OTOA: variants seen among roughly 807,000 people sequenced by gnomAD.
The protein encoded by OTOA is otoancorin, also known as cancer/testis antigen 108.
A neutral mutation model predicts 110.8 loss-of-function variants in OTOA; 70 were observed. The ratio of observed to expected loss-of-function variants is 0.63; its 90% CI spans 0.52 to 0.77. The LOEUF is 0.77. OTOA is among the 30% of genes least tolerant of loss of function. OTOA has a pLI of 0.00. For missense variants in OTOA, 917 were observed against 1,075.8 expected, an observed-to-expected ratio of 0.85 and a Z score of 2.06; for synonymous variants, 373 against 431.5, an observed-to-expected ratio of 0.86 and a Z score of 1.68.
chr16:21,667,701 C>T (rs920371707), intron 1 of OTOA, among the ~76,000 whole-genome samples: 18 of 152,018 alleles, frequency 1.2e-4, no homozygotes, highest in South Asian at 8.3e-4. Context: ...CTTTGGAGGC[C>T]GTGTGGTCCC....
chr16:21,691,435 G>A (rs1026754133), intron 8 of OTOA, 149 bp from the exon 9 acceptor site: 2 of 683,152 alleles, frequency 2.9e-6, no homozygotes, highest in South Asian at 1.6e-5. Context: ...CCAACCAACA[G>A]TGTAAAAGCG....
intron 5 of OTOA, among the ~76,000 whole-genome samples, chr16:21,680,941 A>G (rs1194990760): frequency 1.3e-5 from 2 of 152,166 alleles, no homozygotes; most frequent in Non-Finnish European, 2.9e-5. Context: ...TGTGTGAACA[A>G]ATTTTAATCT....
intron 9 of OTOA, among the ~76,000 whole-genome samples, chr16:21,697,555 C>T (rs1414378653): frequency 1.3e-5 from 2 of 152,104 alleles, no homozygotes; most frequent in Non-Finnish European, 2.9e-5. Context: ...ATCGCTTGAA[C>T]CGGCAGGCGG....
intron 1 of OTOA, among the ~76,000 whole-genome samples, chr16:21,673,271 T>C (rs1030260043): frequency 6.6e-6 from 1 of 152,222 alleles, no homozygotes; most frequent in Middle Eastern, 3.2e-3. Context: ...TAGTACCATA[T>C]AAAATTCAGG....
At chr16:21,668,567 T>C (rs1440640639) in intron 1 of OTOA, among the ~76,000 whole-genome samples, 1 of 151,092 alleles carries the variant, frequency 6.6e-6, no homozygotes, top group Non-Finnish European at 1.5e-5. Flanking sequence ...TTCAAGAGAT[T>C]CTCCTGCCTC....
Position 21,704,816 on chromosome 16 carries a change from AG to A in OTOA, c.981-350del, listed in dbSNP as rs1374008762. On this transcript the variant is annotated intron_variant, in intron 11 of 28. Transcript: ENST00000646100. Reference sequence around the variant, plus strand: ...GGACTGGGGCAGGTTTTATAGGCGGAGGGTAATGAGACTTGATCTGATTGGG... The same window carrying A: ...GGACTGGGGCAGGTTTTATAGGCGGAGGTAATGAGACTTGATCTGATTGGG... 74 of 641,142 alleles carry A rather than the reference AG, an allele frequency of 1.2e-4. No individual in the cohort carries two copies. The Admixed American group carries it at 1.3e-3, about 12-fold the overall frequency. 39.7% of individuals were successfully genotyped at this position (641,142 alleles called of 1,614,324 possible).
chr16:21,676,727 C>T (rs966112235), intron 1 of OTOA, among the ~76,000 whole-genome samples: 1 of 152,328 alleles, frequency 6.6e-6, no homozygotes, highest in East Asian at 1.9e-4. Context: ...TCCAAGTATT[C>T]TTCTTATGGA....
chr16:21,710,484 T>G (rs1039673806), intron 13 of OTOA, among the ~76,000 whole-genome samples: 1 of 152,142 alleles, frequency 6.6e-6, no homozygotes, highest in Non-Finnish European at 1.5e-5. Context: ...GCCATCACAT[T>G]AGGGGTTAGG....
chr16:21,680,288 C>T (rs991772433), intron 5 of OTOA, among the ~76,000 whole-genome samples: 2 of 152,014 alleles, frequency 1.3e-5, no homozygotes, highest in East Asian at 1.9e-4. Flanking sequence ...CCAAGGTGGG[C>T]GGATCATGAA....
At chr16:21,733,452 T>C (rs1227429958) in intron 21 of OTOA, among the ~76,000 whole-genome samples, 23 of 152,208 alleles carry the variant, frequency 1.5e-4, no homozygotes. Context: ...AGGTGACTCT[T>C]AGGTACAGCC....
intron 11 of OTOA, among the ~76,000 whole-genome samples, chr16:21,703,770 G>T (rs776406827): frequency 6.6e-5 from 10 of 152,250 alleles, no homozygotes; most frequent in Non-Finnish European, 1.0e-4. Flanking sequence ...TGGTCAACTA[G>T]GTAGTCTTCA....
chr16:21,673,017 G>A (rs1477670289), intron 1 of OTOA, among the ~76,000 whole-genome samples: 3 of 152,094 alleles, frequency 2.0e-5, no homozygotes, highest in Non-Finnish European at 4.4e-5. Context: ...GCATGGTAGT[G>A]CATGCCTGTA....
chr16:21,729,042 A>AT (rs11464811), intron 20 of OTOA, among the ~76,000 whole-genome samples: 45,080 of 148,080 alleles, frequency 0.3, 7,876 homozygotes, highest in Middle Eastern at 0.45. Context: ...TTTAAAGACT[A>AT]TTTTTTTTTT....
chr16:21,725,152 T>G (rs1444048060), intron 18 of OTOA, among the ~76,000 whole-genome samples: 5 of 152,208 alleles, frequency 3.3e-5, no homozygotes, highest in Non-Finnish European at 7.3e-5. Flanking sequence ...GGACCACTTG[T>G]GTCTTGTTCA....
At chr16:21,714,494 CTCTCTCTT>C (rs376227403) in intron 13 of OTOA, among the ~76,000 whole-genome samples, 34,020 of 139,974 alleles carry the variant, frequency 0.24, 4,057 homozygotes, top group Middle Eastern at 0.3. Flanking sequence ...CCCTCTCTCT[CTCTCTCTT>C]TCTTTCTTTC....
At chr16:21,706,353 G>C (rs998825749) in intron 12 of OTOA, among the ~76,000 whole-genome samples, 20 of 152,304 alleles carry the variant, frequency 1.3e-4, no homozygotes, top group Admixed American at 1.0e-3. Context: ...AGCACACCTG[G>C]AGCGGCAGGA....
At position 21,719,139 on chromosome 16, in the gene OTOA, T is replaced by C. The variant is rs1474854075; in HGVS notation, c.1636T>C (p.Phe546Leu). ...DKELGRSQAL[F>L]LYELLLKTTR... ...GATCATTCTCTTCTCGCAGGCTCTG[T>C]TCCTGTATGAGCTTCTGTTAAAGAC... The change falls in exon 16 of 29, where the codon TTC becomes CTC. Residue 546 changes from phenylalanine (F) to leucine (L), a missense_variant. Around this residue, in one of 6 missense-constraint regions of OTOA, gnomAD observed 840 missense variants for 910.2 expected, o/e 0.92. Transcript: ENST00000646100. The C allele has an allele frequency of 6.2e-7, 1 of 1,613,754 alleles. No individual in the cohort carries two copies. The highest frequency in any genetic ancestry group is 1.3e-5 in the African/African-American group (1 of 74,912).
chr16:21,679,273 G>A, intron 5 of OTOA, 62 bp downstream of exon 5: 3 of 1,540,796 alleles, frequency 1.9e-6, no homozygotes, highest in South Asian at 1.1e-5. Context: ...ATTCTTAATG[G>A]AAGTCTCTTA....
At chr16:21,702,900 T>C (rs1190580805) in intron 11 of OTOA, among the ~76,000 whole-genome samples, 1 of 152,168 alleles carries the variant, frequency 6.6e-6, no homozygotes, top group Non-Finnish European at 1.5e-5. Flanking sequence ...GGTCTTGATC[T>C]CTTGACCTTG....
Sources: allele counts gnomAD v4.1 joint callset (sites outside exome capture counted in the v4.1 genomes callset), GRCh38; gene constraint gnomAD v4.1.1; regional missense constraint gnomAD v4.1.1; transcripts MANE v1.5; gene names NCBI Gene and HGNC (gene_info 2026-07-23, HGNC 2026-07-21).